Variants in IGF2BP3 observed in about 807,000 individuals in gnomAD.
The protein encoded by IGF2BP3 is insulin-like growth factor 2 mRNA-binding protein 3.
Under a neutral mutation model 73.8 loss-of-function variants are expected in IGF2BP3, and 9 were observed. That is an observed-to-expected ratio of 0.12 (90% CI 0.07 to 0.21). The LOEUF (loss-of-function observed/expected upper bound fraction) is 0.21. IGF2BP3 is among the 10% of genes least tolerant of loss of function. The pLI is 1.00. For missense variants in IGF2BP3, 542 were observed against 714.0 expected, an observed-to-expected ratio of 0.76 and a Z score of 2.75; for synonymous variants, 258 against 256.7, an observed-to-expected ratio of 1.01 and a Z score of -0.05.
At chr7:23,405,791 A>G (rs918963448) in intron 3 of IGF2BP3, among the ~76,000 whole-genome samples, 2 of 152,170 alleles carry the variant, frequency 1.3e-5, no homozygotes, top group Non-Finnish European at 2.9e-5. Context: ...TAATGCATAA[A>G]AAGAGTTTCT....
chr7:23,330,059 G>A (rs1053764694), intron 10 of IGF2BP3, among the ~76,000 whole-genome samples: 4 of 151,998 alleles, frequency 2.6e-5, no homozygotes. Flanking sequence ...GGCCGAGGTG[G>A]GCAGATCACA....
chr7:23,437,011 T>C (rs1378533936), intron 2 of IGF2BP3, among the ~76,000 whole-genome samples: 3 of 151,628 alleles, frequency 2.0e-5, no homozygotes, highest in East Asian at 1.9e-4. Context: ...CCCAGCTATT[T>C]AGGAAGCTGA....
rs552113303 is a variant in IGF2BP3 at position 23,426,733 on chromosome 7, C to G, written c.237-7909G>C. Among the ~76,000 whole-genome samples, 6 of 152,244 alleles carry G rather than the reference C, an allele frequency of 3.9e-5. No individual in the cohort carries two copies. The South Asian group carries it at 8.3e-4, about 21-fold the overall frequency. On this transcript the variant is annotated intron_variant, in intron 2 of 14. Transcript: ENST00000258729. ...TCTCTTGTTTCATATTTGAGAGAGGCAATATTCCATAGGGAGTGTTCTGTA... is the reference window on the plus strand; with the variant it reads ...TCTCTTGTTTCATATTTGAGAGAGGGAATATTCCATAGGGAGTGTTCTGTA...
At chr7:23,388,715 T>G (rs1786170732) in intron 3 of IGF2BP3, among the ~76,000 whole-genome samples, 1 of 152,018 alleles carries the variant, frequency 6.6e-6, no homozygotes, top group South Asian at 2.1e-4. Flanking sequence ...AAGGAATTTC[T>G]GATTAGGCTT....
chr7:23,363,035 G>A (rs755182261), intron 3 of IGF2BP3, among the ~76,000 whole-genome samples: 6 of 152,154 alleles, frequency 3.9e-5, no homozygotes, highest in Admixed American at 2.6e-4. Flanking sequence ...GATTACAGAC[G>A]TGAGCCACTT....
intron 10 of IGF2BP3, among the ~76,000 whole-genome samples, chr7:23,321,912 A>C (rs1239958315): frequency 6.6e-6 from 1 of 152,188 alleles, no homozygotes; most frequent in Admixed American, 6.5e-5. Flanking sequence ...CCACACCAAA[A>C]ACCCATCTGT....
intron 5 of IGF2BP3, among the ~76,000 whole-genome samples, chr7:23,360,561 A>AT (rs1157452359): frequency 6.6e-6 from 1 of 152,190 alleles, no homozygotes; most frequent in African/African-American, 2.4e-5. Flanking sequence ...AGTGTTATTG[A>AT]TTTTACAAAT....
chr7:23,322,568 A>C (rs200742584), intron 10 of IGF2BP3, among the ~76,000 whole-genome samples: 8 of 152,200 alleles, frequency 5.3e-5, no homozygotes, highest in East Asian at 3.9e-4. Flanking sequence ...GAAATACAGA[A>C]AACGCCACAA....
At chr7:23,357,149 A>G (rs990056567) in intron 5 of IGF2BP3, among the ~76,000 whole-genome samples, 3 of 152,326 alleles carry the variant, frequency 2.0e-5, no homozygotes, top group Non-Finnish European at 2.9e-5. Context: ...TAATTGTTAA[A>G]GTTTAAATGG....
chr7:23,371,868 T>C (rs1244277570), intron 3 of IGF2BP3, among the ~76,000 whole-genome samples: 1 of 152,082 alleles, frequency 6.6e-6, no homozygotes, highest in African/African-American at 2.4e-5. Flanking sequence ...GTCCAAGTTA[T>C]CCGGCCACAC....
chr7:23,375,944 A>C (rs1329157421), intron 3 of IGF2BP3, among the ~76,000 whole-genome samples: 1 of 152,228 alleles, frequency 6.6e-6, no homozygotes, highest in Non-Finnish European at 1.5e-5. Context: ...AATAAAGGGA[A>C]AAAAGAAAAC....
chr7:23,364,372 T>C (rs1407037507), intron 3 of IGF2BP3, among the ~76,000 whole-genome samples: 2 of 138,026 alleles, frequency 1.4e-5, no homozygotes, highest in Middle Eastern at 3.6e-3. Flanking sequence ...AGACTCCATC[T>C]AAAAAAAAAA....
intron 6 of IGF2BP3, among the ~76,000 whole-genome samples, chr7:23,350,560 T>C (rs1460481732): frequency 2.0e-5 from 3 of 152,138 alleles, no homozygotes; most frequent in Admixed American, 1.3e-4. Context: ...AAACAACATA[T>C]AATGCATGAG....
intron 2 of IGF2BP3, among the ~76,000 whole-genome samples, chr7:23,437,226 A>C (rs902231506): frequency 3.9e-5 from 6 of 152,216 alleles, no homozygotes; most frequent in Middle Eastern, 3.4e-3. Context: ...TCATGCCTGT[A>C]ATCTCAGCAC....
At chr7:23,430,024 A>G (rs1483974324) in intron 2 of IGF2BP3, among the ~76,000 whole-genome samples, 1 of 152,140 alleles carries the variant, frequency 6.6e-6, no homozygotes, top group East Asian at 1.9e-4. Context: ...TAATGCTGCT[A>G]ACACCAGCTG....
In IGF2BP3 at chr7:23,432,795, C is replaced by T. The variant is rs1339217979; in HGVS notation, c.237-13971G>A. Among the ~76,000 whole-genome samples the T allele has an allele frequency of 3.3e-5, 5 of 152,270 alleles. No individual in the cohort carries two copies. The East Asian group carries it at 5.8e-4, about 18-fold the overall frequency. On this transcript the variant is annotated intron_variant, in intron 2 of 14. Coordinates refer to ENST00000258729, the MANE Select transcript of IGF2BP3 (RefSeq NM_006547.3). ...AGCTGGGACTACAGGCATGCGCTACCGCACCCAGCTAATTTTTGTATTTTT... is the reference window on the plus strand; with the variant it reads ...AGCTGGGACTACAGGCATGCGCTACTGCACCCAGCTAATTTTTGTATTTTT...
At chr7:23,368,362 A>AGAAG (rs950554505) in intron 3 of IGF2BP3, among the ~76,000 whole-genome samples, 1 of 151,800 alleles carries the variant, frequency 6.6e-6, no homozygotes, top group Non-Finnish European at 1.5e-5. Flanking sequence ...AAAGAAAGAA[A>AGAAG]GAAAGAAAGA....
intron 6 of IGF2BP3, among the ~76,000 whole-genome samples, chr7:23,350,586 T>C (rs1460283766): frequency 6.6e-6 from 1 of 152,254 alleles, no homozygotes; most frequent in Non-Finnish European, 1.5e-5. Context: ...AGAAGTATCT[T>C]AGATACACAT....
chr7:23,463,350 T>C (rs185129136), intron 2 of IGF2BP3, among the ~76,000 whole-genome samples: 2 of 152,356 alleles, frequency 1.3e-5, no homozygotes, highest in East Asian at 1.9e-4. Context: ...TCGCTCATAA[T>C]AGTTTCAAAG....
Sources: allele counts gnomAD v4.1 joint callset (sites outside exome capture counted in the v4.1 genomes callset), GRCh38; gene constraint gnomAD v4.1.1; transcripts MANE v1.5; gene names NCBI Gene and HGNC (gene_info 2026-07-23, HGNC 2026-07-21).